The following CDK14 variants were observed in gnomAD, a reference collection of about 807,000 sequenced individuals.
CDK14 encodes the protein cyclin dependent kinase 14, also known as cyclin-dependent kinase 14.
A neutral mutation model predicts 60.7 loss-of-function variants in CDK14; 34 were observed. That is an observed-to-expected ratio of 0.56 (90% CI 0.43 to 0.75). The LOEUF is 0.75. Among genes scored for constraint, CDK14 ranks in the 30% least tolerant of loss-of-function variants. The pLI is 0.00. For missense variants in CDK14, 482 were observed against 564.1 expected, an observed-to-expected ratio of 0.85 and a Z score of 1.47; for synonymous variants, 197 against 203.7, an observed-to-expected ratio of 0.97 and a Z score of 0.28.
At position 91,150,021 on chromosome 7, in the gene CDK14, G is replaced by A. The variant is rs530109231; in HGVS notation, c.*28+31813G>A. Among the ~76,000 whole-genome samples the A allele has an allele frequency of 2.0e-5, 3 of 152,316 alleles. No homozygotes were observed. The East Asian group carries it at 5.8e-4, about 29-fold the overall frequency. On this transcript the variant is annotated intron_variant, in intron 14 of 14. Transcript: ENST00000380050. ...GTAGGGCCCAGCTGCCACGGTTACA[G>A]AGCAAGCAGCTTAAAGGGCTTCAGG...
chr7:91,204,748 A>T (rs546184798), intron 14 of CDK14, among the ~76,000 whole-genome samples: 8 of 152,218 alleles, frequency 5.3e-5, no homozygotes, highest in Non-Finnish European at 7.3e-5. Context: ...CAGGAGTTCA[A>T]GACCAGCCTG....
chr7:91,179,659 C>T (rs992956735), intron 14 of CDK14, among the ~76,000 whole-genome samples: 3 of 151,902 alleles, frequency 2.0e-5, no homozygotes, highest in East Asian at 1.9e-4. Context: ...AAAAATTAGC[C>T]GGGCGTGGTG....
intron 14 of CDK14, among the ~76,000 whole-genome samples, chr7:91,141,052 T>G (rs1170257098): frequency 6.6e-6 from 1 of 152,064 alleles, no homozygotes; most frequent in Non-Finnish European, 1.5e-5. Context: ...TTGTGGAAAT[T>G]GGGAAAAGAG....
chr7:90,785,384 G>A (rs1336978489), intron 4 of CDK14, among the ~76,000 whole-genome samples: 2 of 152,134 alleles, frequency 1.3e-5, no homozygotes, highest in African/African-American at 2.4e-5. Context: ...TTTTCCATAA[G>A]GAAGTTCTCT....
intron 1 of CDK14, among the ~76,000 whole-genome samples, chr7:90,597,681 G>A (rs142300817): frequency 5.8e-4 from 89 of 152,292 alleles, no homozygotes; most frequent in African/African-American, 2.1e-3. Context: ...GTTAACGAAA[G>A]TGTTAATGGA....
chr7:91,155,927 C>T (rs1424573780), intron 14 of CDK14, among the ~76,000 whole-genome samples: 1 of 152,182 alleles, frequency 6.6e-6, no homozygotes, highest in Non-Finnish European at 1.5e-5. Context: ...AGTTTTGACC[C>T]CTAATTCACT....
intron 2 of CDK14, among the ~76,000 whole-genome samples, chr7:90,703,943 G>A (rs1801842476): frequency 6.6e-6 from 1 of 152,054 alleles, no homozygotes; most frequent in Non-Finnish European, 1.5e-5. Flanking sequence ...AAAATTAGCT[G>A]GGCATGGTGG....
chr7:90,918,477 T>C (rs578201102), intron 8 of CDK14, among the ~76,000 whole-genome samples: 1 of 152,356 alleles, frequency 6.6e-6, no homozygotes, highest in Admixed American at 6.5e-5. Context: ...TGCTCCTTGC[T>C]AGCTCCCCTT....
At chr7:91,139,924 A>G (rs565976369) in intron 14 of CDK14, among the ~76,000 whole-genome samples, 47 of 151,534 alleles carry the variant, frequency 3.1e-4, no homozygotes, top group Non-Finnish European at 4.3e-4. Flanking sequence ...AAGACGAAGT[A>G]CAGTTTCCCT....
chr7:90,858,216 G>A (rs995329948), intron 5 of CDK14, among the ~76,000 whole-genome samples: 8 of 152,088 alleles, frequency 5.3e-5, no homozygotes, highest in African/African-American at 1.9e-4. Context: ...TCACTTTCAA[G>A]AAAAAACATT....
chr7:91,076,023 C>G (rs1458979923), intron 11 of CDK14, among the ~76,000 whole-genome samples: 1 of 151,552 alleles, frequency 6.6e-6, no homozygotes, highest in Non-Finnish European at 1.5e-5. Flanking sequence ...GAATCAATAT[C>G]ATGAAAATGG....
intron 2 of CDK14, among the ~76,000 whole-genome samples, chr7:90,707,158 C>T (rs753300891): frequency 2.0e-5 from 3 of 152,096 alleles, no homozygotes; most frequent in Non-Finnish European, 4.4e-5. Context: ...TTCAGAGATA[C>T]CTAAAACTCA....
In CDK14 at chr7:90,649,932, T is replaced by C. The variant is rs910639753; in HGVS notation, c.123+45683T>C. On this transcript the variant is annotated intron_variant, in intron 2 of 14. Transcript: ENST00000380050. Reference sequence around the variant, plus strand: ...TGCGGTAAACATACATATGCATGTGTCTTTATAGTAGCATGATTTATAATC... The same window carrying C: ...TGCGGTAAACATACATATGCATGTGCCTTTATAGTAGCATGATTTATAATC... Among the ~76,000 whole-genome samples the C allele has an allele frequency of 2.0e-5, 3 of 152,164 alleles. No homozygotes were observed. The South Asian group carries it at 6.2e-4, about 32-fold the overall frequency.
At chr7:91,043,384 G>C (rs1372610158) in intron 10 of CDK14, among the ~76,000 whole-genome samples, 3 of 152,202 alleles carry the variant, frequency 2.0e-5, no homozygotes, top group Non-Finnish European at 4.4e-5. Context: ...GTGCTTTTGA[G>C]CTGACATTTC....
intron 14 of CDK14, among the ~76,000 whole-genome samples, chr7:91,128,376 A>C (rs1276449251): frequency 6.6e-6 from 1 of 152,184 alleles, no homozygotes; most frequent in Non-Finnish European, 1.5e-5. Context: ...TAGTTCTGTC[A>C]AATATAAAAA....
intron 9 of CDK14, 75 bp downstream of exon 9, chr7:90,955,892 A>G (rs1398445211): frequency 1.3e-5 from 20 of 1,543,766 alleles, no homozygotes; most frequent in Non-Finnish European, 1.8e-5. Context: ...CAAACATCCT[A>G]ACAGTTTGAA....
chr7:90,901,504 A>G (rs191961410), intron 7 of CDK14, among the ~76,000 whole-genome samples: 56 of 152,240 alleles, frequency 3.7e-4, no homozygotes, highest in Non-Finnish European at 6.6e-4. Flanking sequence ...GTATTCATCT[A>G]TGGGGATTCC....
chr7:91,169,303 C>G (rs1199772029), intron 14 of CDK14, among the ~76,000 whole-genome samples: 2 of 152,164 alleles, frequency 1.3e-5, no homozygotes, highest in Admixed American at 6.5e-5. Flanking sequence ...TGATGGAACC[C>G]CATGATTTAA....
At chr7:90,658,393 C>G (rs1800795435) in intron 2 of CDK14, among the ~76,000 whole-genome samples, 1 of 152,182 alleles carries the variant, frequency 6.6e-6, no homozygotes, top group African/African-American at 2.4e-5. Context: ...ATACTCTGAT[C>G]TTTTCAGCCC....
Sources: allele counts gnomAD v4.1 joint callset (sites outside exome capture counted in the v4.1 genomes callset), GRCh38; gene constraint gnomAD v4.1.1; transcripts MANE v1.5; gene names NCBI Gene and HGNC (gene_info 2026-07-23, HGNC 2026-07-21).